CCDC146: variants seen among roughly 807,000 people sequenced by gnomAD.
CCDC146 encodes the protein coiled-coil domain-containing protein 146.
CCDC146 carries 92 observed loss-of-function variants against 119.3 expected under a neutral mutation model. That is an observed-to-expected ratio of 0.77 (90% confidence interval 0.65 to 0.92). The LOEUF (loss-of-function observed/expected upper bound fraction) is 0.92, where lower values mean the gene tolerates loss of function less well. CCDC146 is among the 40% of genes least tolerant of loss of function. CCDC146 has a pLI of 0.00. For missense variants in CCDC146, 1,000 were observed against 1,103.0 expected, an observed-to-expected ratio of 0.91 and a Z score of 1.32; for synonymous variants, 372 against 371.8, an observed-to-expected ratio of 1.00 and a Z score of -0.01.
chr7:77,175,474 G>A (rs1175244536), intron 2 of CCDC146, among the ~76,000 whole-genome samples: 1 of 150,396 alleles, frequency 6.6e-6, no homozygotes, highest in African/African-American at 2.5e-5. Flanking sequence ...TAAAAGTAGA[G>A]TGTGGATGTG....
rs547775968 is a variant in CCDC146, at chr7:77,260,330, T to C, written c.986+94T>C. On this transcript the variant is annotated intron_variant, in intron 8 of 18. Transcript: ENST00000285871. Reference sequence around the variant, plus strand: ...AAATCTCACTTTGGTGTTGAGTTAATAAATATTTAAAAATAATTTTAAATC... The same window carrying C: ...AAATCTCACTTTGGTGTTGAGTTAACAAATATTTAAAAATAATTTTAAATC... 3,107 of 807,810 alleles carry C rather than the reference T, an allele frequency of 3.8e-3. 8 individuals carry two copies. The highest frequency in any genetic ancestry group is 5.2e-3 in the Non-Finnish European group (2,748 of 527,950). The allele number at this position is 807,810 out of a possible 1,614,324, so 50.0% of individuals were successfully genotyped here.
intron 11 of CCDC146, among the ~76,000 whole-genome samples, chr7:77,276,602 T>C (rs957262466): frequency 6.6e-6 from 1 of 152,144 alleles, no homozygotes; most frequent in Non-Finnish European, 1.5e-5. Context: ...TTAAACAATT[T>C]AGACTCCATA....
At position 77,180,580 on chromosome 7, in the gene CCDC146, C is replaced by T. The variant is rs528060536; in HGVS notation, c.156+12756C>T. Among the ~76,000 whole-genome samples the T allele has an allele frequency of 3.9e-5, 6 of 152,184 alleles. No individual in the cohort carries two copies. In the East Asian group the frequency reaches 1.2e-3, roughly 29 times the overall value. ...GGATGTAGTGGCGTGTGCCTGTGGT[C>T]TCAGCTACTTGGGAGGCTGAGGTCA... is the stretch of plus-strand genomic sequence containing the variant. On this transcript the variant is annotated intron_variant, in intron 2 of 18. Coordinates refer to ENST00000285871, the MANE Select transcript of CCDC146 (RefSeq NM_020879.3).
chr7:77,190,794 G>A (rs1362142808), intron 2 of CCDC146, among the ~76,000 whole-genome samples: 4 of 152,194 alleles, frequency 2.6e-5, no homozygotes, highest in African/African-American at 4.8e-5. Context: ...ACCTCGGCTT[G>A]TTACCTCTGG....
At chr7:77,257,471 T>C (rs3114321) in intron 6 of CCDC146, among the ~76,000 whole-genome samples, 85,093 of 151,916 alleles carry the variant, frequency 0.56, 26,279 homozygotes, top group Non-Finnish European at 0.7. Flanking sequence ...GTCCAGAACA[T>C]AGGACCCTAG....
intron 1 of CCDC146, among the ~76,000 whole-genome samples, chr7:77,146,829 G>C (rs887338720): frequency 1.3e-5 from 2 of 152,110 alleles, no homozygotes; most frequent in African/African-American, 4.8e-5. Context: ...CTTTCTCTCT[G>C]GCTGCCCTTA....
intron 4 of CCDC146, among the ~76,000 whole-genome samples, chr7:77,251,840 A>T (rs1793067103): frequency 6.6e-6 from 1 of 152,194 alleles, no homozygotes; most frequent in African/African-American, 2.4e-5. Flanking sequence ...AGAGAAAAAA[A>T]TTTTGAATAA....
intron 17 of CCDC146, among the ~76,000 whole-genome samples, chr7:77,291,725 C>G (rs780848937): frequency 6.6e-6 from 1 of 152,090 alleles, no homozygotes; most frequent in Non-Finnish European, 1.5e-5. Flanking sequence ...ACGAACAAAA[C>G]AAAACACTCC....
At chr7:77,248,830 TA>T (rs1334654845) in intron 4 of CCDC146, among the ~76,000 whole-genome samples, 1 of 152,222 alleles carries the variant, frequency 6.6e-6, no homozygotes, top group Non-Finnish European at 1.5e-5. Flanking sequence ...TCTTATTAGT[TA>T]AAATAAAAAT....
chr7:77,140,502 T>C (rs1230284018), intron 1 of CCDC146, among the ~76,000 whole-genome samples: 1 of 152,206 alleles, frequency 6.6e-6, no homozygotes, highest in African/African-American at 2.4e-5. Flanking sequence ...AGTCTCCTTG[T>C]TGTTCCTCAC....
At chr7:77,148,295 A>G (rs549638485) in intron 1 of CCDC146, among the ~76,000 whole-genome samples, 60 of 152,250 alleles carry the variant, frequency 3.9e-4, no homozygotes, top group African/African-American at 1.3e-3. Context: ...CTGATTTTCC[A>G]GGTGCCGTCT....
At chr7:77,267,576 A>T (rs920848312) in intron 9 of CCDC146, among the ~76,000 whole-genome samples, 1 of 150,988 alleles carries the variant, frequency 6.6e-6, no homozygotes, top group Non-Finnish European at 1.5e-5. Flanking sequence ...CCCTCTTTAG[A>T]CCCCTGTTCA....
intron 9 of CCDC146, among the ~76,000 whole-genome samples, chr7:77,265,828 C>A (rs976251257): frequency 1.2e-4 from 19 of 152,178 alleles, no homozygotes; most frequent in African/African-American, 4.6e-4. Flanking sequence ...AACAGGTGGC[C>A]TTTTGCCTCC....
chr7:77,278,252 A>G (rs1364400512), intron 11 of CCDC146, among the ~76,000 whole-genome samples: 4 of 152,018 alleles, frequency 2.6e-5, no homozygotes, highest in Non-Finnish European at 5.9e-5. Flanking sequence ...AAGTTGTCCA[A>G]ACTTTTCCTC....
chr7:77,216,982 G>A (rs1335866834), intron 2 of CCDC146, among the ~76,000 whole-genome samples: 1 of 151,950 alleles, frequency 6.6e-6, no homozygotes, highest in African/African-American at 2.4e-5. Flanking sequence ...GTTCTACAGT[G>A]TGTGTTTTAT....
chr7:77,232,461 A>G (rs1792649271), intron 2 of CCDC146, among the ~76,000 whole-genome samples: 1 of 152,192 alleles, frequency 6.6e-6, no homozygotes, highest in African/African-American at 2.4e-5. Flanking sequence ...TAGCATCACA[A>G]AACTATTAGC....
rs1387383102 is a variant in CCDC146, at chr7:77,172,244, T to G, written c.156+4420T>G. On this transcript the variant is annotated intron_variant, in intron 2 of 18. Transcript: ENST00000285871. ...TATTTTCTAATTCTTTTAGGATTAC[T>G]CTAAAATTTATGGGTCTCACAAGTT... Among the ~76,000 whole-genome samples the G allele has an allele frequency of 3.3e-5, 5 of 152,390 alleles. 1 individual carries two copies. The South Asian group carries it at 6.2e-4, about 19-fold the overall frequency.
chr7:77,256,216 A>G, intron 5 of CCDC146, 117 bp from the exon 6 acceptor site: 1 of 693,830 alleles, frequency 1.4e-6, no homozygotes, highest in African/African-American at 1.8e-5. Flanking sequence ...GAAATCATTC[A>G]TGAACTTCAA....
In CCDC146 at chr7:77,287,212, G is replaced by A. The variant is rs1226103515; in HGVS notation, c.2278-228G>A. The stretch of plus-strand genomic sequence containing the variant: ...GGATTAATTTGTCTTCCTGATGGGA[G>A]CACATCAGAAGAATGGTGATGTGGA... On this transcript the variant is annotated intron_variant, in intron 16 of 18. Transcript: ENST00000285871. 8 of 596,534 alleles carry A rather than the reference G, an allele frequency of 1.3e-5. No individual in the cohort carries two copies. In the Admixed American group the frequency reaches 2.4e-4, roughly 18 times the overall value. The allele number at this position is 596,534 out of a possible 1,614,324, so 37.0% of individuals were successfully genotyped here. A position where few individuals can be genotyped will look rare whatever the true frequency, so the allele number is the denominator to read the frequency against.
Sources: gnomAD v4.1 joint callset for allele counts (sites outside exome capture counted in the v4.1 genomes callset) on GRCh38, gnomAD v4.1.1 for gene constraint, MANE v1.5 for transcripts, NCBI Gene and HGNC (gene_info 2026-07-23, HGNC 2026-07-21) for gene names.